The following NEDD1 variants were observed in gnomAD, a reference collection of about 807,000 sequenced individuals.
The protein encoded by NEDD1 is protein NEDD1.
A neutral mutation model predicts 74.0 loss-of-function variants in NEDD1; 33 were observed. The ratio of observed to expected loss-of-function variants is 0.45; its 90% CI spans 0.34 to 0.60. The LOEUF (loss-of-function observed/expected upper bound fraction) is 0.60. Among genes scored for constraint, NEDD1 ranks in the 20% least tolerant of loss-of-function variants. The probability of loss-of-function intolerance (pLI) is 0.01; values close to 1 mark genes in which losing one functional copy is unlikely to be tolerated. For missense variants in NEDD1, 746 were observed against 776.5 expected (o/e 0.96, Z 0.47); for synonymous variants, 250 against 264.4 (o/e 0.95, Z 0.53).
At chr12:96,934,944 A>AAAT in intron 6 of NEDD1, 32 bp from the exon 7 acceptor site, 2 of 391,528 alleles carry the variant, frequency 5.1e-6, no homozygotes, top group African/African-American at 1.0e-4. Context: ...AATGCTTATA[A>AAAT]TTACATAAAA....
intron 14 of NEDD1, among the ~76,000 whole-genome samples, chr12:96,947,823 C>T (rs1003094133): frequency 2.0e-5 from 3 of 152,188 alleles, no homozygotes; most frequent in African/African-American, 4.8e-5. Flanking sequence ...TGCTGCAGCA[C>T]GTTTGGTGAA....
At chr12:96,942,528 T>C (rs983669034) in intron 10 of NEDD1, 49 bp from the exon 11 acceptor site, 13 of 891,444 alleles carry the variant, frequency 1.5e-5, no homozygotes, top group African/African-American at 6.7e-5. Context: ...TAAATTGATA[T>C]GGTTTCTTTT....
At chr12:96,912,293 G>A (rs1206071217) in intron 3 of NEDD1, among the ~76,000 whole-genome samples, 1 of 151,580 alleles carries the variant, frequency 6.6e-6, no homozygotes, top group Non-Finnish European at 1.5e-5. Context: ...TAGGAGACTA[G>A]TGTGGATGTT....
chr12:96,921,031 C>G (rs1325960032), intron 6 of NEDD1, among the ~76,000 whole-genome samples: 2 of 152,116 alleles, frequency 1.3e-5, no homozygotes, highest in African/African-American at 2.4e-5. Flanking sequence ...TGAGAGAAGA[C>G]TATCTGGGAA....
At chr12:96,934,465 G>A (rs1229245054) in intron 6 of NEDD1, among the ~76,000 whole-genome samples, 1 of 151,314 alleles carries the variant, frequency 6.6e-6, no homozygotes, top group African/African-American at 2.4e-5. Flanking sequence ...TGGTTGTCAT[G>A]ATTGAAATTT....
intron 3 of NEDD1, among the ~76,000 whole-genome samples, chr12:96,910,121 A>C (rs1447086959): frequency 1.3e-5 from 2 of 152,188 alleles, no homozygotes; most frequent in African/African-American, 4.8e-5. Context: ...GTTACAACCC[A>C]CTTCATTTGA....
At chr12:96,949,627 G>A (rs1182256179) in intron 14 of NEDD1, among the ~76,000 whole-genome samples, 1 of 151,816 alleles carries the variant, frequency 6.6e-6, no homozygotes, top group Non-Finnish European at 1.5e-5. Context: ...AGGTTGAAGG[G>A]GACTTATTTG....
At chr12:96,909,415 A>G (rs549601203) in intron 2 of NEDD1, among the ~76,000 whole-genome samples, 1 of 152,290 alleles carries the variant, frequency 6.6e-6, no homozygotes, top group East Asian at 1.9e-4. Context: ...CAGCAAATGA[A>G]AAGACACTGA....
intron 4 of NEDD1, among the ~76,000 whole-genome samples, chr12:96,914,400 A>T (rs1316275954): frequency 6.6e-6 from 1 of 152,122 alleles, no homozygotes; most frequent in Non-Finnish European, 1.5e-5. Context: ...GAATATTCCA[A>T]ATTAGTTGCT....
intron 4 of NEDD1, among the ~76,000 whole-genome samples, chr12:96,914,620 C>T (rs571888221): frequency 2.6e-5 from 4 of 152,166 alleles, no homozygotes; most frequent in East Asian, 3.9e-4. Context: ...TCCTCTTACT[C>T]GTGTATTATT....
intron 6 of NEDD1, among the ~76,000 whole-genome samples, chr12:96,929,673 A>G (rs1237316999): frequency 6.8e-6 from 1 of 147,474 alleles, no homozygotes; most frequent in Non-Finnish European, 1.5e-5. Flanking sequence ...ACTCTGCTCT[A>G]CTTTTCCACC....
intron 14 of NEDD1, among the ~76,000 whole-genome samples, chr12:96,947,605 T>C (rs1878317913): frequency 6.6e-6 from 1 of 152,188 alleles, no homozygotes; most frequent in Non-Finnish European, 1.5e-5. Context: ...CACCACTGGC[T>C]TCAGATGATT....
chr12:96,932,145 A>C (rs191388940), intron 6 of NEDD1, among the ~76,000 whole-genome samples: 1 of 151,874 alleles, frequency 6.6e-6, no homozygotes, highest in East Asian at 1.9e-4. Flanking sequence ...CTTACACAAT[A>C]ATGTGGTATA....
chr12:96,935,056 GGATGTAAATAGTCA>G lies in NEDD1; in HGVS notation c.573_586del (p.Asp191GlufsTer5). On this transcript the variant is annotated frameshift_variant, in exon 7 of 16. Coordinates refer to ENST00000266742, the MANE Select transcript of NEDD1 (RefSeq NM_152905.4). LOFTEE classifies it high-confidence loss of function. ...CGGATAATGGAATAGTAACTCTCTGGGATGTAAATAGTCAGAGTCCATACCATAACTTTGACAGT... is the reference window on the plus strand; with the variant it reads ...CGGATAATGGAATAGTAACTCTCTGGGAGTCCATACCATAACTTTGACAGT... The G allele has an allele frequency of 1.2e-6, 2 of 1,610,868 alleles. No homozygotes were observed. Among genetic ancestry groups the G allele is most frequent in the Non-Finnish European group, 1.7e-6 (2 of 1,177,088 alleles).
Position 96,950,998 on chromosome 12 carries a change from T to C in NEDD1, c.1812-434T>C, listed in dbSNP as rs558495810. ...AAACTGATAATAATAAAATGATCTT[T>C]CTAACCTAGTGAATTTTCTGTATTT... On this transcript the variant is annotated intron_variant, in intron 14 of 15. Coordinates refer to ENST00000266742, the MANE Select transcript of NEDD1 (RefSeq NM_152905.4). 2.6e-5 allele frequency among the ~76,000 whole-genome samples: 4 copies of C among 152,022 alleles called. No homozygotes were observed. The South Asian group carries it at 8.3e-4, about 31-fold the overall frequency.
At chr12:96,911,721 GGAA>G (rs1302639945) in intron 3 of NEDD1, among the ~76,000 whole-genome samples, 1 of 152,146 alleles carries the variant, frequency 6.6e-6, no homozygotes, top group Non-Finnish European at 1.5e-5. Flanking sequence ...GTGGTAAACA[GGAA>G]GAAGTCAAGG....
At chr12:96,913,460 G>A (rs1243307518) in intron 4 of NEDD1, among the ~76,000 whole-genome samples, 1 of 151,134 alleles carries the variant, frequency 6.6e-6, no homozygotes, top group Non-Finnish European at 1.5e-5. Context: ...TGCAACCTCC[G>A]CCTCCCCAGT....
chr12:96,951,536 A>T, intron 15 of NEDD1, 38 bp downstream of exon 15: 1 of 1,041,382 alleles, frequency 9.6e-7, no homozygotes, highest in Non-Finnish European at 1.5e-6. Flanking sequence ...TTTTAAATGA[A>T]AGTAGAGTTG....
chr12:96,943,602 G>GA lies in NEDD1; in HGVS notation c.1343dup (p.Asn448LysfsTer13). On this transcript the variant is annotated frameshift_variant, in exon 12 of 16. Coordinates refer to ENST00000266742, the MANE Select transcript of NEDD1 (RefSeq NM_152905.4). LOFTEE classifies it high-confidence loss of function. ...CAGTTGAACTCAGTGTTTCCTCCAAGAAAAAATCCAGTAACTTCAAGTACT... is the reference window on the plus strand; with the variant it reads ...CAGTTGAACTCAGTGTTTCCTCCAAGAAAAAAATCCAGTAACTTCAAGTACT... 1 of 1,613,314 alleles carries GA rather than the reference G, an allele frequency of 6.2e-7. No homozygotes were observed. The highest frequency in any genetic ancestry group is 8.5e-7 in the Non-Finnish European group (1 of 1,179,436).
Sources: allele counts gnomAD v4.1 joint callset (sites outside exome capture counted in the v4.1 genomes callset), GRCh38; gene constraint gnomAD v4.1.1; transcripts MANE v1.5; gene names NCBI Gene and HGNC (gene_info 2026-07-23, HGNC 2026-07-21).